KIF25: variants seen among roughly 807,000 people sequenced by gnomAD.
The protein encoded by KIF25 is kinesin family member 25.
A neutral mutation model predicts 32.9 loss-of-function variants in KIF25; 19 were observed. The ratio of observed to expected loss-of-function variants is 0.58; its 90% confidence interval spans 0.40 to 0.85. The LOEUF is 0.85. Among genes scored for constraint, KIF25 ranks in the 40% least tolerant of loss-of-function variants. KIF25 has a pLI of 0.00. For missense variants in KIF25, 485 were observed against 507.0 expected, an observed-to-expected ratio of 0.96 and a Z score of 0.42; for synonymous variants, 225 against 213.7, an observed-to-expected ratio of 1.05 and a Z score of -0.46.
intron 8 of KIF25, 32 bp downstream of exon 8, chr6:168,034,063 A>G: frequency 6.2e-7 from 1 of 1,608,490 alleles, no homozygotes; most frequent in Non-Finnish European, 8.5e-7. Context: ...GGGGCAGAGA[A>G]ATATGGCAGG....
intron 4 of KIF25, among the ~76,000 whole-genome samples, chr6:168,011,297 T>C (rs566137764): frequency 3.3e-5 from 5 of 152,208 alleles, no homozygotes; most frequent in Non-Finnish European, 7.4e-5. Flanking sequence ...GTGACTTTTA[T>C]AGTTTTGTAT....
rs751690533 is a variant in KIF25 at position 168,042,123 on chromosome 6, C to T, written c.801C>T (p.Leu267=). ...AGCAGGTGCAGGCTCGACTACAGCT[C>T]GTGGACTCGGCCGGCAGCGAGTGCG... ...HAEQVQARLQ[L]VDSAGSECVG... The change falls in exon 11 of 13, where the codon CTC becomes CTT. Residue 267 remains leucine, a synonymous_variant. Coordinates refer to ENST00000643607, the MANE Select transcript of KIF25 (RefSeq NM_030615.4). The T allele has an allele frequency of 3.2e-6, 5 of 1,550,666 alleles. No individual in the cohort carries two copies. Among genetic ancestry groups the T allele is most frequent in the Non-Finnish European group, 3.5e-6 (4 of 1,147,428 alleles).
chr6:167,998,454 A>C lies in KIF25; in HGVS notation c.-1015A>C, dbSNP rs1296678580. On this transcript the variant is annotated 5_prime_UTR_variant, in exon 1 of 13. Transcript: ENST00000643607. Reference sequence around the variant, plus strand: ...GGAGCTGCTCAGCATGACAGGGTGGATAAACTTGCTGTGGATCCAAGACAA... The same window carrying C: ...GGAGCTGCTCAGCATGACAGGGTGGCTAAACTTGCTGTGGATCCAAGACAA... The C allele has an allele frequency of 6.6e-6, 1 of 152,236 alleles. No individual in the cohort carries two copies. 9.4% of individuals were successfully genotyped at this position (152,236 alleles called of 1,614,324 possible).
Position 168,038,709 on chromosome 6 carries a change from G to A in KIF25, c.474G>A (p.Glu158=). The A allele has an allele frequency of 6.2e-7, 1 of 1,613,820 alleles. No homozygotes were observed. Among genetic ancestry groups the A allele is most frequent in the Non-Finnish European group, 8.5e-7 (1 of 1,180,006 alleles). ...EVVTAKDGRT[E]VALLASEAVG... is the part of the protein sequence containing the mutation. The stretch of plus-strand genomic sequence containing the variant: ...TGACAGCCAAGGATGGACGGACAGA[G>A]GTTGCGCTGCTGGCCTCTGAGTGAG... Residue 158 remains glutamate, a synonymous_variant, in exon 9 of 13, where the codon GAG becomes GAA. Coordinates refer to ENST00000643607, the MANE Select transcript of KIF25 (RefSeq NM_030615.4).
At position 168,030,635 on chromosome 6, in the gene KIF25, A is replaced by G. The variant is rs1281859095; in HGVS notation, c.93-138A>G. On this transcript the variant is annotated intron_variant, in intron 6 of 12. Coordinates refer to ENST00000643607, the MANE Select transcript of KIF25 (RefSeq NM_030615.4). ...TTATCTTGAAAAATAACACAGATTA[A>G]TCTTTTGTTGAAGAATCCTGATGGC... 15 of 592,400 alleles carry G rather than the reference A, an allele frequency of 2.5e-5. No individual in the cohort carries two copies. The South Asian group carries it at 3.4e-4, about 14-fold the overall frequency. 36.7% of individuals were successfully genotyped at this position (592,400 alleles called of 1,614,324 possible).
At position 168,042,698 on chromosome 6, in the gene KIF25, C is replaced by T; in HGVS notation, c.967C>T (p.Leu323Phe). The T allele has an allele frequency of 1.9e-6, 3 of 1,612,392 alleles. No homozygotes were observed. The highest frequency in any genetic ancestry group is 2.5e-6 in the Non-Finnish European group (3 of 1,179,832). The change falls in exon 12 of 13, where the codon CTC (leucine) becomes TTC (phenylalanine). Residue 323 changes from leucine to phenylalanine, a missense_variant. By Grantham distance (22) the Leu-to-Phe change is conservative (BLOSUM62 0). This residue lies in a region of KIF25 where 480 missense variants were observed against 470.3 expected (regional missense o/e 1.02). Transcript: ENST00000643607. The part of the protein sequence containing the change: ...APYRNSRLTH[L>F]LQDCLGGDAK... The stretch of plus-strand genomic sequence containing the variant: ...GTACCGGAACAGCAGGCTCACCCAC[C>T]TCCTTCAGGACTGCCTCGGTAACCG...
intron 4 of KIF25, among the ~76,000 whole-genome samples, chr6:168,007,622 C>T (rs945583535): frequency 3.3e-5 from 5 of 152,044 alleles, no homozygotes; most frequent in African/African-American, 9.7e-5. Context: ...ATAAGCTGGC[C>T]GAAAATAGCT....
intron 10 of KIF25, among the ~76,000 whole-genome samples, chr6:168,041,689 A>G (rs909022724): frequency 6.6e-6 from 1 of 152,248 alleles, no homozygotes; most frequent in Admixed American, 6.5e-5. Flanking sequence ...TTTAATTAAC[A>G]TGATTACCAA....
intron 4 of KIF25, among the ~76,000 whole-genome samples, chr6:168,014,751 G>C (rs1798692112): frequency 6.6e-6 from 1 of 152,148 alleles, no homozygotes; most frequent in African/African-American, 2.4e-5. Context: ...TGCTGCCCTA[G>C]TTCCTGGTAG....
chr6:168,011,352 C>T (rs989625219), intron 4 of KIF25, among the ~76,000 whole-genome samples: 2 of 152,160 alleles, frequency 1.3e-5, no homozygotes, highest in Non-Finnish European at 2.9e-5. Context: ...ACATGTAAGA[C>T]ACCCTTGAGT....
chr6:168,008,670 T>C (rs1453242382), intron 4 of KIF25, among the ~76,000 whole-genome samples: 6 of 152,162 alleles, frequency 3.9e-5, no homozygotes, highest in African/African-American at 1.4e-4. Context: ...GGTTGTATTG[T>C]CATTTTAACA....
intron 12 of KIF25, among the ~76,000 whole-genome samples, chr6:168,044,123 C>T (rs1272585009): frequency 2.6e-5 from 4 of 151,334 alleles, no homozygotes; most frequent in Non-Finnish European, 5.9e-5. Flanking sequence ...TGCAGCTTCC[C>T]CAGGTGAGGG....
At chr6:168,014,255 A>G (rs1798685644) in intron 4 of KIF25, among the ~76,000 whole-genome samples, 1 of 152,146 alleles carries the variant, frequency 6.6e-6, no homozygotes, top group African/African-American at 2.4e-5. Flanking sequence ...CCTGAGGCTG[A>G]GGCCTGGCCC....
intron 7 of KIF25, among the ~76,000 whole-genome samples, chr6:168,031,725 A>G (rs1278935037): frequency 2.6e-5 from 4 of 152,240 alleles, no homozygotes; most frequent in African/African-American, 9.6e-5. Flanking sequence ...TCCAGAAATA[A>G]AAAAGACATC....
At chr6:168,013,257 G>A (rs1050391746) in intron 4 of KIF25, among the ~76,000 whole-genome samples, 18 of 151,702 alleles carry the variant, frequency 1.2e-4, no homozygotes, top group African/African-American at 3.9e-4. Flanking sequence ...TAACTCAAGG[G>A]CAGGGTTGCT....
intron 5 of KIF25, among the ~76,000 whole-genome samples, chr6:168,028,774 C>G (rs937568453): frequency 6.6e-6 from 1 of 152,032 alleles, no homozygotes; most frequent in Non-Finnish European, 1.5e-5. Flanking sequence ...TTTTCAGGAG[C>G]CTTTTTATCA....
At chr6:168,007,682 T>C (rs1453138051) in intron 4 of KIF25, among the ~76,000 whole-genome samples, 1 of 152,192 alleles carries the variant, frequency 6.6e-6, no homozygotes, top group Admixed American at 6.5e-5. Context: ...GCTGATCCTC[T>C]GCCTAATCAG....
Position 168,001,721 on chromosome 6 carries a change from G to T in KIF25, c.-369-822G>T, listed in dbSNP as rs58739857. On this transcript the variant is annotated intron_variant, in intron 2 of 12. Transcript: ENST00000643607. Reference sequence around the variant, plus strand: ...GTGAGAAGACACCTGAGGCGTGGCCGCGGGCAGGTGAGAAGACACCTTCAG... The same window carrying T: ...GTGAGAAGACACCTGAGGCGTGGCCTCGGGCAGGTGAGAAGACACCTTCAG... Among the ~76,000 whole-genome samples the T allele has an allele frequency of 2.2e-3, 119 of 54,512 alleles. 2 individuals carry two copies. Among genetic ancestry groups the T allele is most frequent in the Non-Finnish European group, 2.7e-3 (81 of 30,014 alleles). 35.8% of individuals were successfully genotyped at this position (54,512 alleles called of 152,430 possible).
At chr6:168,000,580 C>T (rs1798486524) in intron 2 of KIF25, among the ~76,000 whole-genome samples, 1 of 141,438 alleles carries the variant, frequency 7.1e-6, no homozygotes, top group African/African-American at 2.6e-5. Flanking sequence ...ACTCCCATTG[C>T]CGACCACATC....
Sources: gnomAD v4.1 joint callset for allele counts (sites outside exome capture counted in the v4.1 genomes callset) on GRCh38, gnomAD v4.1.1 for gene constraint, gnomAD v4.1.1 regional missense constraint, MANE v1.5 for transcripts, NCBI Gene and HGNC (gene_info 2026-07-23, HGNC 2026-07-21) for gene names.